DDX47: variants seen among roughly 807,000 people sequenced by gnomAD.
DDX47 encodes DEAD-box helicase 47.
Under a neutral mutation model 58.8 loss-of-function variants are expected in DDX47, and 60 were observed. That is an observed-to-expected ratio of 1.02 (90% confidence interval 0.83 to 1.26). The LOEUF is 1.26. Ranked by LOEUF, DDX47 falls within the 50% of genes most tolerant of loss-of-function variation. The pLI is 0.00. For synonymous variants in DDX47, 197 were observed against 204.6 expected, an observed-to-expected ratio of 0.96 and a Z score of 0.32; for missense variants, 530 against 573.2, an observed-to-expected ratio of 0.92 and a Z score of 0.77.
intron 2 of DDX47, among the ~76,000 whole-genome samples, chr12:12,819,023 T>G (rs1045965097): frequency 6.6e-6 from 1 of 152,200 alleles, no homozygotes; most frequent in Non-Finnish European, 1.5e-5. Context: ...TGATCTGGCA[T>G]GGCAGATCCT....
At chr12:12,825,467 T>C (rs919737321) in intron 9 of DDX47, among the ~76,000 whole-genome samples, 4 of 152,186 alleles carry the variant, frequency 2.6e-5, no homozygotes, top group African/African-American at 9.7e-5. Flanking sequence ...ACATTACCAG[T>C]GTCCCTTGAG....
chr12:12,826,874 C>T (rs913737448), intron 10 of DDX47, among the ~76,000 whole-genome samples: 1 of 152,116 alleles, frequency 6.6e-6, no homozygotes, highest in African/African-American at 2.4e-5. Flanking sequence ...CCTCATACCT[C>T]AGTCTCCTGA....
intron 3 of DDX47, 57 bp from the exon 4 acceptor site, chr12:12,821,598 C>A: frequency 6.5e-7 from 1 of 1,544,108 alleles, no homozygotes; most frequent in Non-Finnish European, 8.9e-7. Flanking sequence ...AAAAGATGTT[C>A]AGTGGACTGT....
At chr12:12,817,548 T>A (rs1862914425) in intron 2 of DDX47, among the ~76,000 whole-genome samples, 1 of 152,202 alleles carries the variant, frequency 6.6e-6, no homozygotes, top group Non-Finnish European at 1.5e-5. Context: ...CACCATCTAT[T>A]TATGTCTGTT....
intron 11 of DDX47, among the ~76,000 whole-genome samples, chr12:12,828,708 A>G (rs542316498): frequency 1.6e-3 from 237 of 152,360 alleles, no homozygotes; most frequent in African/African-American, 5.6e-3. Flanking sequence ...AAAAAATTCA[A>G]AAAATACAGA....
chr12:12,819,302 C>A (rs1862937558), intron 2 of DDX47, among the ~76,000 whole-genome samples: 1 of 151,826 alleles, frequency 6.6e-6, no homozygotes, highest in South Asian at 2.1e-4. Flanking sequence ...CAAGCTTAAA[C>A]CCTGTCTGCA....
In DDX47 at chr12:12,822,089, C is replaced by T. The variant is rs748452336; in HGVS notation, c.561+6C>T. On this transcript the variant is annotated splice_donor_region_variant and intron_variant, in intron 5 of 11. Coordinates refer to ENST00000358007, the MANE Select transcript of DDX47 (RefSeq NM_016355.4). ...ATATGGATTTTGAGACAGAGGTGAG[C>T]TCTCAATTTCTTTCCTCCTCTTAGA... 5.7e-6 allele frequency: 9 copies of T among 1,588,240 alleles called. No homozygotes were observed. In the Admixed American group the frequency reaches 1.3e-4, roughly 24 times the overall value.
At chr12:12,827,684 A>C (rs1421768986) in intron 11 of DDX47, among the ~76,000 whole-genome samples, 1 of 152,050 alleles carries the variant, frequency 6.6e-6, no homozygotes, top group Non-Finnish European at 1.5e-5. Context: ...GAGCTTGGGA[A>C]ATTTGCCTGA....
chr12:12,813,574 T>C (rs1862847966), intron 1 of DDX47, 120 bp downstream of exon 1: 1 of 946,320 alleles, frequency 1.1e-6, no homozygotes, highest in African/African-American at 1.6e-5. Context: ...AGCTTGGGTT[T>C]TCCCCAGAAT....
At position 12,821,305 on chromosome 12, in the gene DDX47, G is replaced by C; in HGVS notation, c.279G>C (p.Leu93Phe). The stretch of plus-strand genomic sequence containing the variant: ...CACTGCTGGAGACCCCGCAGCGTTT[G>C]TTTGCCCTAGTTCTTACCCCGACTC... ...LNALLETPQR[L>F]FALVLTPTRE... The change falls in exon 3 of 12, where the codon TTG (leucine) becomes TTC (phenylalanine). Residue 93 changes from leucine (L) to phenylalanine (F), a missense_variant. By Grantham distance (22) the Leu-to-Phe change is conservative. Coordinates refer to ENST00000358007, the MANE Select transcript of DDX47 (RefSeq NM_016355.4). 2 of 1,614,180 alleles carry C rather than the reference G, an allele frequency of 1.2e-6. No individual in the cohort carries two copies. The highest frequency in any genetic ancestry group is 8.5e-7 in the Non-Finnish European group (1 of 1,180,042).
At chr12:12,826,096 G>A in intron 10 of DDX47, 26 bp downstream of exon 10, 1 of 1,599,460 alleles carries the variant, frequency 6.3e-7, no homozygotes, top group Non-Finnish European at 8.5e-7. Flanking sequence ...TTAGGGCCGA[G>A]CAATGTAGAG....
chr12:12,826,535 T>C (rs1006936859), intron 10 of DDX47, among the ~76,000 whole-genome samples: 1 of 151,860 alleles, frequency 6.6e-6, no homozygotes, highest in African/African-American at 2.4e-5. Context: ...TTCCACCCCC[T>C]GGGCTCAAGC....
intron 2 of DDX47, among the ~76,000 whole-genome samples, chr12:12,816,106 T>C (rs1286726617): frequency 6.6e-6 from 1 of 152,120 alleles, no homozygotes; most frequent in Non-Finnish European, 1.5e-5. Flanking sequence ...ATATTATTGG[T>C]GTACCACTGA....
At chr12:12,819,892 C>T (rs1565446592) in intron 2 of DDX47, among the ~76,000 whole-genome samples, 1 of 152,232 alleles carries the variant, frequency 6.6e-6, no homozygotes, top group African/African-American at 2.4e-5. Flanking sequence ...CCCTGAATTA[C>T]ATCCAATGTC....
intron 2 of DDX47, among the ~76,000 whole-genome samples, chr12:12,817,542 A>G (rs527501841): frequency 1.3e-5 from 2 of 152,334 alleles, no homozygotes; most frequent in South Asian, 2.1e-4. Flanking sequence ...TTGAGACACC[A>G]TCTATTTATG....
At chr12:12,817,895 G>A (rs1276843340) in intron 2 of DDX47, among the ~76,000 whole-genome samples, 2 of 152,172 alleles carry the variant, frequency 1.3e-5, no homozygotes, top group African/African-American at 4.8e-5. Flanking sequence ...TGAACTAAGC[G>A]ACTTCAGCTC....
intron 2 of DDX47, among the ~76,000 whole-genome samples, chr12:12,815,994 A>G (rs1320120055): frequency 2.0e-5 from 3 of 152,180 alleles, no homozygotes; most frequent in African/African-American, 4.8e-5. Context: ...TGAAAAAGAA[A>G]ATGTTGGAAA....
chr12:12,818,318 G>A (rs1014310044), intron 2 of DDX47, among the ~76,000 whole-genome samples: 1 of 152,116 alleles, frequency 6.6e-6, no homozygotes, highest in African/African-American at 2.4e-5. Context: ...TCAGGAGATC[G>A]AGACCATCCC....
At chr12:12,814,434 G>T in intron 2 of DDX47, 1 of 486,608 alleles carries the variant, frequency 2.1e-6, no homozygotes, top group Non-Finnish European at 3.7e-6. Context: ...CTCTGCCACA[G>T]ATGCTGACTT....
Sources: gnomAD v4.1 joint callset for allele counts (sites outside exome capture counted in the v4.1 genomes callset) on GRCh38, gnomAD v4.1.1 for gene constraint, MANE v1.5 for transcripts, NCBI Gene and HGNC (gene_info 2026-07-23, HGNC 2026-07-21) for gene names.